The following UNC5D variants were observed in gnomAD, a reference collection of about 807,000 sequenced individuals.
UNC5D encodes netrin receptor UNC5D.
In UNC5D, 39 loss-of-function variants were observed where a neutral mutation model predicts 105.4. The observed-to-expected ratio is 0.37, with a 90% CI of 0.29 to 0.48. The LOEUF (loss-of-function observed/expected upper bound fraction) is 0.48, where lower values mean the gene tolerates loss of function less well. Among genes scored for constraint, UNC5D ranks in the 20% least tolerant of loss-of-function variants. The pLI is 0.98. For missense variants in UNC5D, 991 were observed against 1,202.4 expected, an observed-to-expected ratio of 0.82 and a Z score of 2.60; for synonymous variants, 452 against 450.4, an observed-to-expected ratio of 1.00 and a Z score of -0.04.
chr8:35,795,226 T>C lies in UNC5D; in HGVS notation c.*4663T>C, dbSNP rs527263774. 6.6e-6 allele frequency: 1 copy of C among 152,174 alleles called. No individual in the cohort carries two copies. The highest frequency in any genetic ancestry group is 1.5e-5 in the Non-Finnish European group (1 of 68,032). The allele number at this position is 152,174 out of a possible 1,614,324, so 9.4% of individuals were successfully genotyped here. On this transcript the variant is annotated 3_prime_UTR_variant, in exon 17 of 17. Transcript: ENST00000404895. ...AAAGTTATAGCTTTGAATTATAGACTATATTACTAAATTTGGTAAGGTAGT... is the reference window on the plus strand; with the variant it reads ...AAAGTTATAGCTTTGAATTATAGACCATATTACTAAATTTGGTAAGGTAGT...
At chr8:35,648,854 G>A (rs1382169119) in intron 4 of UNC5D, among the ~76,000 whole-genome samples, 1 of 152,116 alleles carries the variant, frequency 6.6e-6, no homozygotes, top group Non-Finnish European at 1.5e-5. Flanking sequence ...ACCAGGGTAT[G>A]ATATTGTGTC....
chr8:35,732,853 A>G (rs1829270068), intron 11 of UNC5D, among the ~76,000 whole-genome samples: 1 of 152,044 alleles, frequency 6.6e-6, no homozygotes, highest in African/African-American at 2.4e-5. Flanking sequence ...CTCATTTACA[A>G]CTTACCTGCA....
chr8:35,361,452 C>T (rs1801846345), intron 1 of UNC5D, among the ~76,000 whole-genome samples: 1 of 152,066 alleles, frequency 6.6e-6, no homozygotes, highest in Non-Finnish European at 1.5e-5. Flanking sequence ...ACATTCAGGA[C>T]AAAAGTCGCA....
intron 2 of UNC5D, among the ~76,000 whole-genome samples, chr8:35,562,986 AGATAAGG>A (rs1817064669): frequency 6.6e-6 from 1 of 152,034 alleles, no homozygotes. Flanking sequence ...ATATGGTGAC[AGATAAGG>A]GTCTAATTTC....
At chr8:35,298,412 A>C (rs1807661632) in intron 1 of UNC5D, among the ~76,000 whole-genome samples, 1 of 152,184 alleles carries the variant, frequency 6.6e-6, no homozygotes, top group Admixed American at 6.5e-5. Context: ...TCTTGGATTC[A>C]GAGGCTTAGG....
At chr8:35,786,162 T>A (rs1039946845) in intron 16 of UNC5D, among the ~76,000 whole-genome samples, 1 of 152,168 alleles carries the variant, frequency 6.6e-6, no homozygotes, top group Non-Finnish European at 1.5e-5. Context: ...CACAATAGGA[T>A]GTCTGTTAAC....
At chr8:35,781,040 A>T (rs1802479445) in intron 16 of UNC5D, among the ~76,000 whole-genome samples, 1 of 152,208 alleles carries the variant, frequency 6.6e-6, no homozygotes, top group Non-Finnish European at 1.5e-5. Flanking sequence ...GGGAGATAGT[A>T]TTATACATCG....
At chr8:35,506,230 C>G (rs1812297101) in intron 1 of UNC5D, among the ~76,000 whole-genome samples, 1 of 152,168 alleles carries the variant, frequency 6.6e-6, no homozygotes, top group East Asian at 1.9e-4. Context: ...GGCAAGATAG[C>G]TGCGGTAGCT....
chr8:35,730,783 A>T (rs528528962), intron 10 of UNC5D, among the ~76,000 whole-genome samples: 1 of 152,310 alleles, frequency 6.6e-6, no homozygotes, highest in East Asian at 1.9e-4. Flanking sequence ...ATAAAAAAAA[A>T]AAACTAATTT....
At chr8:35,254,362 T>C (rs1056066127) in intron 1 of UNC5D, 1 of 152,176 alleles carries the variant, frequency 6.6e-6, no homozygotes, top group Non-Finnish European at 1.5e-5. Flanking sequence ...TTCACATATG[T>C]TTTTGCATCA....
At chr8:35,463,697 G>T (rs1465733224) in intron 1 of UNC5D, among the ~76,000 whole-genome samples, 1 of 151,280 alleles carries the variant, frequency 6.6e-6, no homozygotes, top group African/African-American at 2.4e-5. Flanking sequence ...GAGGTATTCG[G>T]ATCACTTGAA....
chr8:35,759,532 T>C (rs771450387), intron 14 of UNC5D, 63 bp downstream of exon 14: 16 of 1,555,114 alleles, frequency 1.0e-5, no homozygotes, highest in Non-Finnish European at 1.4e-5. Context: ...ATGTCACAGA[T>C]CCTGGCAAGG....
chr8:35,286,027 G>T (rs940305164), intron 1 of UNC5D, among the ~76,000 whole-genome samples: 5 of 151,998 alleles, frequency 3.3e-5, no homozygotes, highest in African/African-American at 9.7e-5. Context: ...GATTTATGAG[G>T]CCCCAAAGTT....
At chr8:35,467,672 G>C (rs1052607861) in intron 1 of UNC5D, among the ~76,000 whole-genome samples, 1 of 151,958 alleles carries the variant, frequency 6.6e-6, no homozygotes, top group Non-Finnish European at 1.5e-5. Context: ...AGTGAAGGGA[G>C]AAGATGTGTT....
intron 1 of UNC5D, among the ~76,000 whole-genome samples, chr8:35,537,279 A>G (rs1401637173): frequency 6.6e-6 from 1 of 152,230 alleles, no homozygotes; most frequent in Non-Finnish European, 1.5e-5. Flanking sequence ...TTTTTATCCA[A>G]TAACTAACAA....
chr8:35,362,079 C>A (rs967395781), intron 1 of UNC5D, among the ~76,000 whole-genome samples: 1 of 152,098 alleles, frequency 6.6e-6, no homozygotes, highest in East Asian at 1.9e-4. Context: ...TAGTATCAGA[C>A]ATGATCTAAG....
intron 1 of UNC5D, among the ~76,000 whole-genome samples, chr8:35,513,573 T>G (rs1812917439): frequency 6.6e-6 from 1 of 152,212 alleles, no homozygotes; most frequent in Non-Finnish European, 1.5e-5. Context: ...TTCTCTCTCA[T>G]CCAACATTCC....
At chr8:35,669,538 A>T (rs1824637278) in intron 4 of UNC5D, among the ~76,000 whole-genome samples, 1 of 152,060 alleles carries the variant, frequency 6.6e-6, no homozygotes, top group African/African-American at 2.4e-5. Flanking sequence ...CCTTTACAAG[A>T]TTCTTTACTG....
At chr8:35,388,196 T>G (rs1305897178) in intron 1 of UNC5D, among the ~76,000 whole-genome samples, 1 of 151,936 alleles carries the variant, frequency 6.6e-6, no homozygotes, top group African/African-American at 2.4e-5. Context: ...AAACCCCGTC[T>G]CTACTAAAAA....
Sources: allele counts gnomAD v4.1 joint callset (sites outside exome capture counted in the v4.1 genomes callset), GRCh38; gene constraint gnomAD v4.1.1; transcripts MANE v1.5; gene names NCBI Gene and HGNC (gene_info 2026-07-23, HGNC 2026-07-21).